CTNNA2: variants seen among roughly 807,000 people sequenced by gnomAD.
CTNNA2 encodes catenin alpha 2.
Under a neutral mutation model 101.0 loss-of-function variants are expected in CTNNA2, and 42 were observed. The observed-to-expected ratio is 0.42, with a 90% CI of 0.32 to 0.54. CTNNA2 has a LOEUF of 0.54. Ranked by LOEUF, CTNNA2 falls within the 20% of genes least tolerant of loss-of-function variation. The probability of loss-of-function intolerance (pLI) is 0.14; values close to 1 mark genes in which losing one functional copy is unlikely to be tolerated. For missense variants in CTNNA2, 871 were observed against 1,223.1 expected (o/e 0.71, Z 4.29); for synonymous variants, 450 against 456.4 (o/e 0.99, Z 0.18).
chr2:79,322,289 T>A (rs13388009), intron 3 of CTNNA2, among the ~76,000 whole-genome samples: 1 of 152,104 alleles, frequency 6.6e-6, no homozygotes, highest in Non-Finnish European at 1.5e-5. Context: ...TGCGGGGGGC[T>A]GCCACATTCG....
intron 9 of CTNNA2, among the ~76,000 whole-genome samples, chr2:80,500,834 C>T (rs776166570): frequency 2.0e-5 from 3 of 152,080 alleles, no homozygotes; most frequent in South Asian, 2.1e-4. Flanking sequence ...TTATTTGTTT[C>T]GTTTATTTTA....
chr2:80,199,180 C>CA (rs1433961923), intron 7 of CTNNA2, among the ~76,000 whole-genome samples: 1 of 40,424 alleles, frequency 2.5e-5, no homozygotes, highest in Non-Finnish European at 3.6e-5. Context: ...GACTCCATCT[C>CA]AGAAAAAAAA....
chr2:79,840,918 C>T (rs1679757654), intron 3 of CTNNA2, among the ~76,000 whole-genome samples: 2 of 152,108 alleles, frequency 1.3e-5, no homozygotes. Context: ...TACAGGCGCC[C>T]GCCACGGCAC....
intron 3 of CTNNA2, among the ~76,000 whole-genome samples, chr2:79,362,110 C>T (rs560917237): frequency 6.6e-6 from 1 of 152,146 alleles, no homozygotes; most frequent in Non-Finnish European, 1.5e-5. Flanking sequence ...GGAGCTTATT[C>T]AAGCCTCTCC....
intron 7 of CTNNA2, among the ~76,000 whole-genome samples, chr2:79,952,701 A>C (rs1688969491): frequency 6.6e-6 from 1 of 152,192 alleles, no homozygotes; most frequent in Non-Finnish European, 1.5e-5. Flanking sequence ...TGTTATGTGA[A>C]ACTTGAGAAC....
At chr2:80,231,028 G>A (rs1237095309) in intron 7 of CTNNA2, among the ~76,000 whole-genome samples, 2 of 152,050 alleles carry the variant, frequency 1.3e-5, no homozygotes, top group Non-Finnish European at 2.9e-5. Context: ...CTGGAGTGCA[G>A]TGGTATGATC....
chr2:79,557,339 G>A (rs1458758171), intron 1 of CTNNA2, among the ~76,000 whole-genome samples: 1 of 151,766 alleles, frequency 6.6e-6, no homozygotes, highest in East Asian at 1.9e-4. Flanking sequence ...TTCAGAAATT[G>A]GAAACAGAAT....
intron 8 of CTNNA2, among the ~76,000 whole-genome samples, chr2:80,399,781 C>T (rs150595758): frequency 6.6e-6 from 1 of 152,278 alleles, no homozygotes; most frequent in African/African-American, 2.4e-5. Flanking sequence ...GATCCTGAGA[C>T]TGGAAGATCC....
chr2:80,439,511 G>A (rs1426987453), intron 9 of CTNNA2, among the ~76,000 whole-genome samples: 1 of 152,216 alleles, frequency 6.6e-6, no homozygotes, highest in South Asian at 2.1e-4. Context: ...CAATTCTCCT[G>A]TCTCAGCCTC....
chr2:79,236,054 C>T (rs1384125417), intron 2 of CTNNA2, among the ~76,000 whole-genome samples: 1 of 152,002 alleles, frequency 6.6e-6, no homozygotes, highest in Non-Finnish European at 1.5e-5. Flanking sequence ...CCACATATTT[C>T]CCAGGGAAAC....
chr2:79,444,814 A>G (rs1678814144), intron 4 of CTNNA2, among the ~76,000 whole-genome samples: 1 of 152,130 alleles, frequency 6.6e-6, no homozygotes, highest in Admixed American at 6.6e-5. Context: ...TTGCATATTC[A>G]TGATTAAAGT....
chr2:80,365,460 T>G, intron 7 of CTNNA2, among the ~76,000 whole-genome samples: 1 of 152,168 alleles, frequency 6.6e-6, no homozygotes. Context: ...TTTACATGAT[T>G]TTTTAAAAAT....
intron 3 of CTNNA2, among the ~76,000 whole-genome samples, chr2:79,355,479 A>AAGT (rs763725309): frequency 1.3e-5 from 2 of 152,124 alleles, no homozygotes; most frequent in Non-Finnish European, 2.9e-5. Context: ...AACCACTTTA[A>AAGT]AGTATACAAT....
chr2:80,330,374 G>C (rs1376411160), intron 7 of CTNNA2, among the ~76,000 whole-genome samples: 1 of 152,210 alleles, frequency 6.6e-6, no homozygotes, highest in Admixed American at 6.5e-5. Flanking sequence ...ACTTAGCTAA[G>C]AGACTACTTC....
At chr2:80,532,882 A>T (rs903232043) in intron 9 of CTNNA2, among the ~76,000 whole-genome samples, 3 of 152,158 alleles carry the variant, frequency 2.0e-5, no homozygotes, top group Admixed American at 6.6e-5. Flanking sequence ...ACCAACAGCG[A>T]TAAGAAAGAG....
intron 4 of CTNNA2, among the ~76,000 whole-genome samples, chr2:79,453,048 G>A (rs1558669819): frequency 6.6e-6 from 1 of 152,106 alleles, no homozygotes; most frequent in South Asian, 2.1e-4. Context: ...TGGAGAAACT[G>A]GAACCATATT....
intron 11 of CTNNA2, among the ~76,000 whole-genome samples, chr2:80,546,762 C>G (rs150355638): frequency 5.3e-5 from 8 of 152,336 alleles, no homozygotes; most frequent in African/African-American, 1.9e-4. Context: ...TACCAGCCAG[C>G]AAATGGACAT....
intron 18 of CTNNA2, among the ~76,000 whole-genome samples, chr2:80,644,301 C>CGTCTAGTAAGTGCTCACTGAATTTT (rs1257140482): frequency 3.3e-5 from 5 of 152,092 alleles, no homozygotes; most frequent in Non-Finnish European, 7.4e-5. Context: ...CAATGTCAGG[C>CGTCTAGTAAGTGCTCACTGAATTTT]GTCTAGTAAG....
chr2:79,819,248 G>C (rs1232155145), intron 3 of CTNNA2, among the ~76,000 whole-genome samples: 4 of 151,976 alleles, frequency 2.6e-5, no homozygotes. Context: ...CAAAGTGCTG[G>C]GATTACAGGC....
Sources: gnomAD v4.1 joint callset for allele counts (sites outside exome capture counted in the v4.1 genomes callset) on GRCh38, gnomAD v4.1.1 for gene constraint, MANE v1.5 for transcripts, NCBI Gene and HGNC (gene_info 2026-07-23, HGNC 2026-07-21) for gene names.